The following ANK2 variants were observed in gnomAD, a reference collection of about 807,000 sequenced individuals.
ANK2 encodes ankyrin-2.
In ANK2, 83 loss-of-function variants were observed where a neutral mutation model predicts 360.5. That is an observed-to-expected ratio of 0.23 (90% CI 0.19 to 0.28). The LOEUF (loss-of-function observed/expected upper bound fraction) is 0.28, where lower values mean the gene tolerates loss of function less well. Among genes scored for constraint, ANK2 ranks in the 10% least tolerant of loss-of-function variants. The pLI, the probability that ANK2 is intolerant of heterozygous loss-of-function variation, is 1.00. For missense variants in ANK2, 4,201 were observed against 4,795.7 expected (o/e 0.88, Z 3.66); for synonymous variants, 1,740 against 1,759.5 (o/e 0.99, Z 0.28).
At chr4:113,223,466 A>G (rs2099174417) in intron 4 of ANK2, among the ~76,000 whole-genome samples, 1 of 152,208 alleles carries the variant, frequency 6.6e-6, no homozygotes, top group Non-Finnish European at 1.5e-5. Flanking sequence ...TCCAGTAAAT[A>G]TAGAGTATAT....
chr4:112,930,410 C>G (rs918315371), intron 2 of ANK2, among the ~76,000 whole-genome samples: 1 of 150,638 alleles, frequency 6.6e-6, no homozygotes. Flanking sequence ...GATCACGCCA[C>G]TGCACTCCAG....
intron 1 of ANK2, among the ~76,000 whole-genome samples, chr4:112,863,573 A>G (rs2068891265): frequency 8.5e-6 from 1 of 117,622 alleles, no homozygotes; most frequent in African/African-American, 3.3e-5. Context: ...CCCAGGCTGG[A>G]GTGCAGTGGC....
the ANK2 span, among the ~76,000 whole-genome samples, chr4:112,783,231 A>G: frequency 6.6e-6 from 1 of 152,190 alleles, no homozygotes; most frequent in Non-Finnish European, 1.5e-5. Flanking sequence ...CTAGGGTCAC[A>G]GGGTTAGTTT....
At chr4:112,992,443 C>A (rs2047139239) in intron 2 of ANK2, among the ~76,000 whole-genome samples, 2 of 152,176 alleles carry the variant, frequency 1.3e-5, no homozygotes, top group African/African-American at 4.8e-5. Context: ...AACGCCTGGC[C>A]TACTTCTACA....
chr4:112,770,231 G>A, the ANK2 span, among the ~76,000 whole-genome samples: 23 of 152,154 alleles, frequency 1.5e-4, no homozygotes, highest in African/African-American at 5.3e-4. Flanking sequence ...CTCATCAGTT[G>A]GTCTCTCCCT....
At chr4:112,907,638 T>C (rs2085702400) in intron 2 of ANK2, among the ~76,000 whole-genome samples, 1 of 152,210 alleles carries the variant, frequency 6.6e-6, no homozygotes, top group Admixed American at 6.5e-5. Flanking sequence ...ATTCTTAAGA[T>C]AAATTAACTG....
At chr4:112,960,393 C>G (rs1214358419) in intron 2 of ANK2, among the ~76,000 whole-genome samples, 1 of 151,358 alleles carries the variant, frequency 6.6e-6, no homozygotes, top group Non-Finnish European at 1.5e-5. Flanking sequence ...CAAAGCCACT[C>G]AAAATGACAA....
chr4:113,032,464 A>G (rs1347161034), intron 2 of ANK2, among the ~76,000 whole-genome samples: 3 of 151,926 alleles, frequency 2.0e-5, no homozygotes, highest in African/African-American at 7.2e-5. Flanking sequence ...TTTAACTGTT[A>G]TTACAGGGGG....
chr4:113,315,662 G>A (rs1290667657), intron 24 of ANK2, among the ~76,000 whole-genome samples: 2 of 152,120 alleles, frequency 1.3e-5, no homozygotes, highest in Admixed American at 1.3e-4. Context: ...ACTTTGGGAG[G>A]CCAAGGTGGG....
intron 1 of ANK2, among the ~76,000 whole-genome samples, chr4:112,819,334 A>G (rs187972796): frequency 9.2e-5 from 14 of 152,336 alleles, no homozygotes; most frequent in South Asian, 2.1e-4. Flanking sequence ...TAATTAGGCT[A>G]TGTCTTTAAG....
At chr4:113,337,433 C>G (rs577348464) in intron 31 of ANK2, among the ~76,000 whole-genome samples, 1 of 152,254 alleles carries the variant, frequency 6.6e-6, no homozygotes, top group Admixed American at 6.5e-5. Flanking sequence ...ACAATGCCAT[C>G]ACAAATAGTG....
chr4:112,767,545 T>C, the ANK2 span, among the ~76,000 whole-genome samples: 36 of 148,658 alleles, frequency 2.4e-4, no homozygotes, highest in South Asian at 1.7e-3. Flanking sequence ...TGGCACTGGG[T>C]GTCAGAGCGA....
intron 1 of ANK2, among the ~76,000 whole-genome samples, chr4:113,125,050 A>G (rs978061269): frequency 6.6e-6 from 1 of 152,280 alleles, no homozygotes; most frequent in South Asian, 2.1e-4. Flanking sequence ...TAATGGTGTT[A>G]TTTCACATTA....
rs761266552 is a variant in ANK2 at position 113,354,789 on chromosome 4, G to A, written c.6171G>A (p.Pro2057=). The A allele has an allele frequency of 3.1e-6, 5 of 1,614,004 alleles. No individual in the cohort carries two copies. The highest frequency in any genetic ancestry group is 1.1e-5 in the South Asian group (1 of 91,062). Residue 2057 remains proline, a synonymous_variant, in exon 38 of 46, where the codon CCG becomes CCA. Coordinates refer to ENST00000357077, the MANE Select transcript of ANK2 (RefSeq NM_001148.6). ...NQTIKRGQRL[P]VTGTAESKRG... The stretch of plus-strand genomic sequence containing the variant: ...CAATCAAACGAGGCCAGAGACTCCC[G>A]GTAACGGGCACAGCAGAATCCAAAA...
chr4:112,821,102 A>G (rs1010678329), intron 1 of ANK2, among the ~76,000 whole-genome samples: 1 of 151,918 alleles, frequency 6.6e-6, no homozygotes, highest in Non-Finnish European at 1.5e-5. Flanking sequence ...TTTAGTAGAG[A>G]CGGGGTTTCT....
At chr4:112,942,312 T>C (rs1425415811) in intron 2 of ANK2, among the ~76,000 whole-genome samples, 3 of 152,126 alleles carry the variant, frequency 2.0e-5, no homozygotes, top group African/African-American at 7.2e-5. Flanking sequence ...TGATTTTTGT[T>C]TCCTTGTGCC....
intron 1 of ANK2, among the ~76,000 whole-genome samples, chr4:113,130,535 A>G (rs2095952009): frequency 6.6e-6 from 1 of 152,332 alleles, no homozygotes. Flanking sequence ...TGTTCTTTAC[A>G]TACCTAAGCA....
intron 1 of ANK2, among the ~76,000 whole-genome samples, chr4:113,164,372 A>G (rs2097677054): frequency 6.6e-6 from 1 of 152,256 alleles, no homozygotes; most frequent in African/African-American, 2.4e-5. Flanking sequence ...AAATATATGC[A>G]AGTTCTTTTA....
chr4:113,091,859 C>T (rs1045850101), intron 1 of ANK2, among the ~76,000 whole-genome samples: 7 of 152,198 alleles, frequency 4.6e-5, no homozygotes, highest in Non-Finnish European at 1.0e-4. Flanking sequence ...TGCGCTCTCT[C>T]AGACATACGT....
Sources: gnomAD v4.1 joint callset for allele counts (sites outside exome capture counted in the v4.1 genomes callset) on GRCh38, gnomAD v4.1.1 for gene constraint, MANE v1.5 for transcripts, NCBI Gene and HGNC (gene_info 2026-07-23, HGNC 2026-07-21) for gene names.